The following OR51B5 variants were observed in gnomAD, a reference collection of about 807,000 sequenced individuals.
The protein encoded by OR51B5 is olfactory receptor 51B5.
For missense variants in OR51B5, 456 were observed against 374.6 expected (o/e 1.22, Z -1.79); for synonymous variants, 186 against 144.8 (o/e 1.28, Z -2.04).
chr11:5,451,035 C>G (rs867666011), intron 1 of OR51B5, among the ~76,000 whole-genome samples: 4 of 152,232 alleles, frequency 2.6e-5, no homozygotes, highest in Non-Finnish European at 5.9e-5. Flanking sequence ...CTCACTGGCT[C>G]TCAGTGTCCA....
chr11:5,386,022 T>G (rs950866970), intron 1 of OR51B5, among the ~76,000 whole-genome samples: 7 of 151,578 alleles, frequency 4.6e-5, no homozygotes, highest in Non-Finnish European at 8.8e-5. Context: ...AATAGTACAT[T>G]ACAGGTACTA....
At chr11:5,379,947 T>C (rs1849585898) in intron 1 of OR51B5, among the ~76,000 whole-genome samples, 1 of 151,924 alleles carries the variant, frequency 6.6e-6, no homozygotes, top group South Asian at 2.1e-4. Flanking sequence ...CCGCCCGATC[T>C]TGGACTTTTA....
At chr11:5,396,014 T>C (rs1849864344) in intron 1 of OR51B5, among the ~76,000 whole-genome samples, 1 of 152,202 alleles carries the variant, frequency 6.6e-6, no homozygotes, top group Non-Finnish European at 1.5e-5. Flanking sequence ...TCTCAATTTT[T>C]CAGATGAAGA....
At chr11:5,500,262 A>G (rs1851698649) in intron 1 of OR51B5, among the ~76,000 whole-genome samples, 1 of 152,240 alleles carries the variant, frequency 6.6e-6, no homozygotes, top group Non-Finnish European at 1.5e-5. Flanking sequence ...CACCATGCTC[A>G]CTAATATCTA....
chr11:5,432,133 C>T (rs1180168142), intron 1 of OR51B5, among the ~76,000 whole-genome samples: 1 of 152,178 alleles, frequency 6.6e-6, no homozygotes, highest in African/African-American at 2.4e-5. Context: ...TTCTATCTAA[C>T]TATGTGTTTA....
intron 1 of OR51B5, among the ~76,000 whole-genome samples, chr11:5,442,343 T>C (rs182763546): frequency 1.8e-3 from 277 of 152,296 alleles, no homozygotes; most frequent in Middle Eastern, 6.8e-3. Flanking sequence ...CACACCTTTA[T>C]TCATTCTTAA....
intron 1 of OR51B5, chr11:5,489,188 C>G (rs777471842): frequency 3.7e-6 from 6 of 1,612,322 alleles, no homozygotes; most frequent in Non-Finnish European, 5.1e-6. Flanking sequence ...ATTGTCTCCC[C>G]CTTCATCTTC....
intron 1 of OR51B5, chr11:5,351,940 C>A: frequency 6.2e-7 from 1 of 1,609,398 alleles, no homozygotes; most frequent in South Asian, 1.1e-5. Flanking sequence ...GATTGGTGTG[C>A]GGGTATTGAC....
intron 1 of OR51B5, among the ~76,000 whole-genome samples, chr11:5,448,552 C>T (rs921312984): frequency 6.6e-6 from 1 of 152,076 alleles, no homozygotes; most frequent in Non-Finnish European, 1.5e-5. Flanking sequence ...TTATAAGCAA[C>T]CACACAGAAT....
chr11:5,499,874 T>C (rs1851693999), intron 1 of OR51B5, among the ~76,000 whole-genome samples: 1 of 152,240 alleles, frequency 6.6e-6, no homozygotes, highest in Non-Finnish European at 1.5e-5. Flanking sequence ...TTCATTTCAC[T>C]ATCTTAATTA....
At chr11:5,382,523 T>C (rs1378400454) in intron 1 of OR51B5, among the ~76,000 whole-genome samples, 1 of 152,192 alleles carries the variant, frequency 6.6e-6, no homozygotes, top group Non-Finnish European at 1.5e-5. Context: ...AATAGCAGCA[T>C]TGTTGCTGTT....
chr11:5,341,450 A>C (rs1848890663), downstream of OR51B5: 1 of 152,254 alleles, frequency 6.6e-6, no homozygotes, highest in South Asian at 2.1e-4. Flanking sequence ...CACCAAAGAC[A>C]TAAACAATAT....
At chr11:5,383,112 T>C (rs1210747725) in intron 1 of OR51B5, among the ~76,000 whole-genome samples, 2 of 152,070 alleles carry the variant, frequency 1.3e-5, no homozygotes, top group African/African-American at 4.8e-5. Flanking sequence ...TTCTAAATGT[T>C]GATGGCATTT....
chr11:5,428,743 T>C (rs1266869980), intron 1 of OR51B5, among the ~76,000 whole-genome samples: 1 of 152,186 alleles, frequency 6.6e-6, no homozygotes, highest in African/African-American at 2.4e-5. Context: ...AAGCTAACCA[T>C]AAGAGAATTT....
At chr11:5,419,913 A>G (rs1476005334) in intron 1 of OR51B5, among the ~76,000 whole-genome samples, 1 of 151,720 alleles carries the variant, frequency 6.6e-6, no homozygotes, top group Non-Finnish European at 1.5e-5. Context: ...TATGATTACA[A>G]TAGAATGTAA....
rs1263023403 is a variant in OR51B5 at position 5,428,426 on chromosome 11, T to C, written n.84+77143A>G. 2.6e-5 allele frequency among the ~76,000 whole-genome samples: 4 copies of C among 152,210 alleles called. No homozygotes were observed. In the East Asian group the frequency reaches 7.7e-4, roughly 29 times the overall value. On this transcript the variant is annotated intron_variant and non_coding_transcript_variant, in intron 1 of 4. Coordinates refer to the OR51B5 transcript ENST00000415970. ...TAAAAATGCTAACAAAATGAGCATATGCTGCTGAAAAGATGGCGCAGATAG... is the reference window on the plus strand; with the variant it reads ...TAAAAATGCTAACAAAATGAGCATACGCTGCTGAAAAGATGGCGCAGATAG...
At chr11:5,462,079 G>A (rs1049333988) in intron 1 of OR51B5, among the ~76,000 whole-genome samples, 1 of 152,154 alleles carries the variant, frequency 6.6e-6, no homozygotes, top group African/African-American at 2.4e-5. Context: ...ATCAAATACT[G>A]AACATAGGTT....
rs575410716 is a variant in OR51B5 at position 5,492,062 on chromosome 11, A to C, written n.84+13507T>G. 1.3e-3 allele frequency among the ~76,000 whole-genome samples: 199 copies of C among 152,212 alleles called. 6 individuals carry two copies. In the South Asian group the frequency reaches 0.04, roughly 31 times the overall value. On this transcript the variant is annotated intron_variant and non_coding_transcript_variant, in intron 1 of 4. Transcript: ENST00000415970. ...AGGTAAATTTGTTCCTTTATCCCCA[A>C]GTCTAGCTGTTTCAATTTGTGCTGA...
chr11:5,389,842 C>T, intron 1 of OR51B5: 2 of 1,613,944 alleles, frequency 1.2e-6, no homozygotes, highest in Non-Finnish European at 1.7e-6. Context: ...CGGTCATTAT[C>T]ACTGGCCAGC....
Sources: gnomAD v4.1 joint callset for allele counts (sites outside exome capture counted in the v4.1 genomes callset) on GRCh38, gnomAD v4.1.1 for gene constraint, MANE v1.5 for transcripts, NCBI Gene and HGNC (gene_info 2026-07-23, HGNC 2026-07-21) for gene names.